Variants in TMEM178B observed in about 807,000 individuals in gnomAD.
The protein encoded by TMEM178B is transmembrane protein 178B.
Under a neutral mutation model 31.0 loss-of-function variants are expected in TMEM178B, and 5 were observed. That is an observed-to-expected ratio of 0.16 (90% CI 0.08 to 0.34). The LOEUF is 0.34. Ranked by LOEUF, TMEM178B falls within the 10% of genes least tolerant of loss-of-function variation. The pLI is 1.00. For missense variants in TMEM178B, 275 were observed against 400.3 expected, an observed-to-expected ratio of 0.69 and a Z score of 2.67; for synonymous variants, 164 against 164.0, an observed-to-expected ratio of 1.00 and a Z score of 0.00.
At position 141,344,602 on chromosome 7, in the gene TMEM178B, TCC is replaced by T. The variant is rs1799582555; in HGVS notation, c.497-93005_497-93004del. On this transcript the variant is annotated intron_variant, in intron 2 of 3. Transcript: ENST00000565468. The surrounding 1 kb of genome is among the most constrained non-coding windows in gnomAD (Gnocchi z 4.1). ...TTCCTTCCTTCCTTCCTTCCTTCCTTCCTTCCTTCCTTCCTTCCTTCCTTCCT... is the reference window on the plus strand; with the variant it reads ...TTCCTTCCTTCCTTCCTTCCTTCCTTTTCCTTCCTTCCTTCCTTCCTTCCT... Among the ~76,000 whole-genome samples, 1 of 149,648 alleles carries T rather than the reference TCC, an allele frequency of 6.7e-6. No homozygotes were observed. The highest frequency in any genetic ancestry group is 1.5e-5 in the Non-Finnish European group (1 of 67,566).
At chr7:141,373,472 C>G (rs1800154634) in intron 2 of TMEM178B, among the ~76,000 whole-genome samples, 2 of 152,298 alleles carry the variant, frequency 1.3e-5, no homozygotes, top group Non-Finnish European at 2.9e-5. Flanking sequence ...AGGGGATGCT[C>G]TTGGGAACGA....
intron 1 of TMEM178B, among the ~76,000 whole-genome samples, chr7:141,098,475 C>A (rs779287846): frequency 4.6e-5 from 7 of 152,202 alleles, no homozygotes; most frequent in African/African-American, 1.2e-4. Flanking sequence ...TTTTAAGTAG[C>A]TTCTGTAGAG....
At chr7:141,156,718 T>G (rs1453570359) in intron 1 of TMEM178B, among the ~76,000 whole-genome samples, 1 of 152,222 alleles carries the variant, frequency 6.6e-6, no homozygotes, top group Non-Finnish European at 1.5e-5. Context: ...AATTACTTAC[T>G]TGGTTGGCAT....
chr7:141,210,506 A>G (rs1329394681), intron 1 of TMEM178B, among the ~76,000 whole-genome samples: 1 of 152,206 alleles, frequency 6.6e-6, no homozygotes, highest in Admixed American at 6.5e-5. Flanking sequence ...GAGGATGGCA[A>G]TGCCTACTTA....
At chr7:141,439,155 G>A (rs1176885398) in intron 3 of TMEM178B, among the ~76,000 whole-genome samples, 3 of 152,076 alleles carry the variant, frequency 2.0e-5, no homozygotes, top group Non-Finnish European at 4.4e-5. Context: ...TGTGGGATTT[G>A]GCTTGAGTTC....
In TMEM178B at chr7:141,212,719, G is replaced by A; in HGVS notation, c.496+15G>A. The A allele has an allele frequency of 3.3e-6, 5 of 1,528,742 alleles. No individual in the cohort carries two copies. Among genetic ancestry groups the A allele is most frequent in the Non-Finnish European group, 4.4e-6 (5 of 1,140,244 alleles). 94.7% of individuals were successfully genotyped at this position (1,528,742 alleles called of 1,614,324 possible). A position where few individuals can be genotyped will look rare whatever the true frequency, so the allele number is the denominator to read the frequency against. ...GCATGCCCTACGTAAGTGCACCTGA[G>A]TCTCAGTGGCTGTGACTGTGCTGTG... On this transcript the variant is annotated intron_variant, in intron 2 of 3. Transcript: ENST00000565468.
rs547748263 is a variant in TMEM178B, at chr7:141,380,093, A to T, written c.497-57515A>T. On this transcript the variant is annotated intron_variant, in intron 2 of 3. Coordinates refer to ENST00000565468, the MANE Select transcript of TMEM178B (RefSeq NM_001195278.2). ...ATAAATCTAAAAACAAATTTAGTCG[A>T]ATTTTAAAAATGCATATTTCAGCGA... Among the ~76,000 whole-genome samples, 244 of 152,326 alleles carry T rather than the reference A, an allele frequency of 1.6e-3. 1 individual carries two copies. Among genetic ancestry groups the T allele is most frequent in the Non-Finnish European group, 2.0e-3 (135 of 68,034 alleles).
intron 1 of TMEM178B, among the ~76,000 whole-genome samples, chr7:141,121,116 T>C (rs921252100): frequency 1.3e-5 from 2 of 152,198 alleles, no homozygotes; most frequent in African/African-American, 2.4e-5. Flanking sequence ...TTAATATTAC[T>C]GTATCACTAT....
intron 1 of TMEM178B, among the ~76,000 whole-genome samples, chr7:141,121,976 T>C (rs1487758606): frequency 1.3e-5 from 2 of 152,190 alleles, no homozygotes; most frequent in African/African-American, 4.8e-5. Context: ...TTTGTCTTTG[T>C]GGGTTGCAGG....
At chr7:141,122,004 C>G (rs1321082445) in intron 1 of TMEM178B, among the ~76,000 whole-genome samples, 1 of 152,156 alleles carries the variant, frequency 6.6e-6, no homozygotes, top group African/African-American at 2.4e-5. Context: ...CCCACTTAAA[C>G]CCTTTCCTTC....
chr7:141,271,145 G>A (rs543266350), intron 2 of TMEM178B, among the ~76,000 whole-genome samples: 6 of 152,318 alleles, frequency 3.9e-5, no homozygotes, highest in Admixed American at 2.0e-4. Flanking sequence ...TGGCTCCTGG[G>A]TGAGACATGC....
chr7:141,312,320 A>C (rs2116459628), intron 2 of TMEM178B, among the ~76,000 whole-genome samples: 1 of 152,308 alleles, frequency 6.6e-6, no homozygotes, highest in Non-Finnish European at 1.5e-5. Flanking sequence ...TGTCTTAGTG[A>C]ATGGGTTGGT....
intron 2 of TMEM178B, among the ~76,000 whole-genome samples, chr7:141,281,242 A>G (rs539556860): frequency 5.3e-4 from 81 of 152,282 alleles, no homozygotes; most frequent in African/African-American, 1.9e-3. Flanking sequence ...AAAATCACGG[A>G]GTGGAATTTA....
At chr7:141,445,457 C>G (rs1586965285) in intron 3 of TMEM178B, among the ~76,000 whole-genome samples, 1 of 152,220 alleles carries the variant, frequency 6.6e-6, no homozygotes, top group Non-Finnish European at 1.5e-5. Context: ...TTATTCCTAG[C>G]TTGCTGTACT....
chr7:141,080,478 G>A (rs2129170765), intron 1 of TMEM178B, among the ~76,000 whole-genome samples: 1 of 152,316 alleles, frequency 6.6e-6, no homozygotes, highest in Middle Eastern at 3.4e-3. Flanking sequence ...AAATTAGCTG[G>A]GTGTGGTGGC....
intron 2 of TMEM178B, among the ~76,000 whole-genome samples, chr7:141,300,522 A>G (rs183308875): frequency 5.3e-5 from 8 of 152,190 alleles, no homozygotes; most frequent in African/African-American, 1.2e-4. Context: ...TGATGAAACA[A>G]TGGAGGAGAG....
In TMEM178B at chr7:141,470,907, C is replaced by T. The variant is rs1003498273; in HGVS notation, c.*121C>T. The T allele has an allele frequency of 5.1e-5, 28 of 547,548 alleles. No homozygotes were observed. Among genetic ancestry groups the T allele is most frequent in the Admixed American group, 2.2e-4 (4 of 18,336 alleles). The allele number at this position is 547,548 out of a possible 1,614,324, so 33.9% of individuals were successfully genotyped here. A position where few individuals can be genotyped will look rare whatever the true frequency, so the allele number is the denominator to read the frequency against. ...CAAGGTAGAGTTGAGTTGGCTCAGG[C>T]ACCTGCATCTCGCCGGACTTTGTGT... On this transcript the variant is annotated 3_prime_UTR_variant, in exon 4 of 4. Transcript: ENST00000565468.
intron 2 of TMEM178B, among the ~76,000 whole-genome samples, chr7:141,359,578 T>C (rs1799881401): frequency 6.6e-6 from 1 of 152,228 alleles, no homozygotes; most frequent in Non-Finnish European, 1.5e-5. Flanking sequence ...GATCACATCC[T>C]CTTATTACAG....
In TMEM178B at chr7:141,442,103, C is replaced by G. The variant is rs138139590; in HGVS notation, c.634+4358C>G. ...GGGAAAGACTGCAGGCAAGGGAGCA[C>G]GTGACTGCTATGAGTTCCTGTGATT... On this transcript the variant is annotated intron_variant, in intron 3 of 3. Transcript: ENST00000565468. Among the ~76,000 whole-genome samples the G allele has an allele frequency of 2.7e-4, 41 of 152,320 alleles. No homozygotes were observed. The East Asian group carries it at 7.7e-3, about 29-fold the overall frequency.
Sources: allele counts gnomAD v4.1 joint callset (sites outside exome capture counted in the v4.1 genomes callset), GRCh38; gene constraint gnomAD v4.1.1; non-coding constraint Gnocchi (gnomAD v3.1); transcripts MANE v1.5; gene names NCBI Gene and HGNC (gene_info 2026-07-23, HGNC 2026-07-21).